CLCN5: variants seen among roughly 807,000 people sequenced by gnomAD.
The protein encoded by CLCN5 is H(+)/Cl(-) exchange transporter 5.
Under a neutral mutation model 54.0 loss-of-function variants are expected in CLCN5, and 17 were observed. That is an observed-to-expected ratio of 0.31 (90% CI 0.22 to 0.47). The LOEUF (loss-of-function observed/expected upper bound fraction) is 0.47. Among genes scored for constraint, CLCN5 ranks in the 20% least tolerant of loss-of-function variants. CLCN5 has a pLI of 1.00. For missense variants in CLCN5, 448 were observed against 646.7 expected (o/e 0.69, Z 3.33); for synonymous variants, 222 against 233.0 (o/e 0.95, Z 0.43).
intron 3 of CLCN5, among the ~76,000 whole-genome samples, chrX:50,025,164 T>C (rs1557184796): frequency 2.0e-4 from 3 of 14,961 alleles, no homozygotes; most frequent in African/African-American, 6.3e-4. Context: ...GAGCCAGGTG[T>C]GGGATATAGT....
chrX:50,087,774 G>A (rs1933942671), intron 11 of CLCN5, among the ~76,000 whole-genome samples: 1 of 111,737 alleles, frequency 8.9e-6, no homozygotes, highest in African/African-American at 3.3e-5. Context: ...TTCACCTCAT[G>A]CCTGCATTCT....
chrX:50,038,794 A>G (rs1481199342), intron 3 of CLCN5, among the ~76,000 whole-genome samples: 1 of 112,454 alleles, frequency 8.9e-6, no homozygotes, highest in African/African-American at 3.2e-5. Flanking sequence ...CTGATGTTAC[A>G]TTCAAAGCAA....
intron 3 of CLCN5, among the ~76,000 whole-genome samples, chrX:49,943,196 A>ACAAG (rs1926478517): frequency 9.7e-6 from 1 of 102,962 alleles, no homozygotes; most frequent in Non-Finnish European, 2.0e-5. Context: ...GGCTGCATAA[A>ACAAG]TGTTTTCTTT....
intron 3 of CLCN5, among the ~76,000 whole-genome samples, chrX:49,939,396 C>T (rs1297203734): frequency 4.5e-5 from 5 of 110,916 alleles, no homozygotes; most frequent in Non-Finnish European, 9.4e-5. Context: ...CCCAAGTGTC[C>T]AGCAATGATA....
chrX:50,007,541 C>T (rs1383244785), intron 3 of CLCN5, among the ~76,000 whole-genome samples: 2 of 108,234 alleles, frequency 1.8e-5, no homozygotes, highest in African/African-American at 6.8e-5. Context: ...CTTTGTTGAC[C>T]TAGGGAGATT....
intron 3 of CLCN5, among the ~76,000 whole-genome samples, chrX:50,017,999 A>T (rs1930875180): frequency 9.0e-6 from 1 of 111,685 alleles, no homozygotes; most frequent in Non-Finnish European, 1.9e-5. Context: ...CAGTTTGTTG[A>T]TACCCACAAA....
chrX:50,056,721 G>T (rs918542858), intron 4 of CLCN5, among the ~76,000 whole-genome samples: 6 of 111,852 alleles, frequency 5.4e-5, no homozygotes, highest in Non-Finnish European at 1.1e-4. Context: ...CAAGAAAATA[G>T]CCACAACCCA....
chrX:50,012,566 A>T (rs1340446437), intron 3 of CLCN5, among the ~76,000 whole-genome samples: 1 of 112,363 alleles, frequency 8.9e-6, no homozygotes. Context: ...TACAAATGCT[A>T]TTCCAGTCCA....
Position 50,068,420 on chromosome X carries a change from A to C in CLCN5, c.164-1459A>C, listed in dbSNP as rs138333906. Among the ~76,000 whole-genome samples the C allele has an allele frequency of 3.5e-3, 387 of 111,427 alleles. 1 individual carries two copies. Among genetic ancestry groups the C allele is most frequent in the Non-Finnish European group, 5.7e-3 (300 of 53,087 alleles). On this transcript the variant is annotated intron_variant, in intron 4 of 14. Transcript: ENST00000376091. ...TTTACAGTCAGGTACGAATGAAGAT[A>C]TGGAAAGGACTTTGGTTGGGGTTTA...
chrX:50,074,265 G>C (rs1933327176), intron 6 of CLCN5, among the ~76,000 whole-genome samples: 1 of 111,922 alleles, frequency 8.9e-6, no homozygotes, highest in South Asian at 3.7e-4. Context: ...AGTCATAGGA[G>C]AGAGAGGAAG....
Position 50,080,584 on chromosome X carries a change from CCT to C in CLCN5, c.604-9_604-8del. ...AGGCTAAAACAAGCTTCTTTTTCCC[CCT>C]GTTCCAGGGAGCCTTTGCCTACATA... On this transcript the variant is annotated splice_region_variant and splice_polypyrimidine_tract_variant and intron_variant, in intron 7 of 14. Coordinates refer to ENST00000376091, the MANE Select transcript of CLCN5 (RefSeq NM_001127898.4). 1 of 1,207,682 alleles carries C rather than the reference CCT, an allele frequency of 8.3e-7. No individual in the cohort carries two copies. Among genetic ancestry groups the C allele is most frequent in the Non-Finnish European group, 1.1e-6 (1 of 893,382 alleles).
intron 3 of CLCN5, among the ~76,000 whole-genome samples, chrX:49,930,529 A>G (rs1254301185): frequency 1.8e-5 from 2 of 111,792 alleles, no homozygotes; most frequent in Non-Finnish European, 3.8e-5. Flanking sequence ...TAACACAGAA[A>G]TAGGTTCATA....
intron 3 of CLCN5, among the ~76,000 whole-genome samples, chrX:49,982,148 A>G (rs572484173): frequency 9.0e-6 from 1 of 111,463 alleles, no homozygotes; most frequent in East Asian, 2.8e-4. Flanking sequence ...AAGAATAAAC[A>G]TTATAAAATC....
At chrX:50,080,840 C>T in intron 8 of CLCN5, 124 bp downstream of exon 8, 1 of 583,452 alleles carries the variant, frequency 1.7e-6, no homozygotes, top group South Asian at 2.6e-5. Flanking sequence ...GATCCTGAGG[C>T]CATCTAAGAC....
rs1557187294 is a variant in CLCN5 at position 50,042,410 on chromosome X, T to C, written c.111T>C (p.Ala37=). 2 of 1,150,760 alleles carry C rather than the reference T, an allele frequency of 1.7e-6. No homozygotes were observed. The highest frequency in any genetic ancestry group is 2.3e-6 in the Non-Finnish European group (2 of 860,310). The allele number at this position is 1,150,760 out of a possible 1,213,427, so 94.8% of individuals were successfully genotyped here. A position where few individuals can be genotyped will look rare whatever the true frequency, so the allele number is the denominator to read the frequency against. ...ACCTGATGGACATTCCAGCAACCGC[T>C]ATGGATTTCTCCATGAGAGATGATG... The part of the protein sequence containing the change: ...DEDLMDIPAT[A]MDFSMRDDVP... Residue 37 remains alanine, a synonymous_variant, in exon 4 of 15, where the codon GCT becomes GCC. Coordinates refer to ENST00000376091, the MANE Select transcript of CLCN5 (RefSeq NM_001127898.4).
In CLCN5 at chrX:50,095,743, G is replaced by C. The variant is rs1335618172; in HGVS notation, c.*3524G>C. 4.5e-5 allele frequency: 5 copies of C among 112,302 alleles called. No individual in the cohort carries two copies. In the East Asian group the frequency reaches 1.4e-3, roughly 31 times the overall value. The allele number at this position is 112,302 out of a possible 1,213,427, so 9.3% of individuals were successfully genotyped here. A position where few individuals can be genotyped will look rare whatever the true frequency, so the allele number is the denominator to read the frequency against. On this transcript the variant is annotated 3_prime_UTR_variant, in exon 15 of 15. Transcript: ENST00000376091. ...AATTCACAACCAAGATCTTATGAAC[G>C]CATTCAGATGTGAGGGGGGCAAATA...
At chrX:49,980,333 G>T in intron 3 of CLCN5, among the ~76,000 whole-genome samples, 1 of 111,180 alleles carries the variant, frequency 9.0e-6, no homozygotes, top group Non-Finnish European at 1.9e-5. Flanking sequence ...TTTAAATACT[G>T]TAAAATAACA....
At chrX:50,039,411 A>G (rs986393327) in intron 3 of CLCN5, among the ~76,000 whole-genome samples, 3 of 112,143 alleles carry the variant, frequency 2.7e-5, no homozygotes, top group African/African-American at 9.7e-5. Flanking sequence ...GAAGTGAAAT[A>G]GGCCCTTATA....
At chrX:50,076,039 T>G in intron 7 of CLCN5, 57 bp downstream of exon 7, 3 of 1,057,963 alleles carry the variant, frequency 2.8e-6, no homozygotes, top group Non-Finnish European at 3.9e-6. Flanking sequence ...TTTATTTTAT[T>G]TCTTATACTG....
Sources: gnomAD v4.1 joint callset for allele counts (sites outside exome capture counted in the v4.1 genomes callset) on GRCh38, gnomAD v4.1.1 for gene constraint, MANE v1.5 for transcripts, NCBI Gene and HGNC (gene_info 2026-07-23, HGNC 2026-07-21) for gene names.